Variants in MSI2 observed in about 807,000 individuals in gnomAD.
The protein encoded by MSI2 is RNA-binding protein Musashi homolog 2.
In MSI2, 17 loss-of-function variants were observed where a neutral mutation model predicts 45.6. The ratio of observed to expected loss-of-function variants is 0.37; its 90% CI spans 0.26 to 0.56. MSI2 has a LOEUF of 0.56. Among genes scored for constraint, MSI2 ranks in the 20% least tolerant of loss-of-function variants. The pLI, the probability that MSI2 is intolerant of heterozygous loss-of-function variation, is 0.77. For synonymous variants in MSI2, 156 were observed against 158.2 expected (o/e 0.99, Z 0.11); for missense variants, 293 against 444.2 (o/e 0.66, Z 3.06).
intron 6 of MSI2, among the ~76,000 whole-genome samples, chr17:57,525,402 A>G (rs2086676851): frequency 6.6e-6 from 1 of 152,080 alleles, no homozygotes; most frequent in Non-Finnish European, 1.5e-5. Flanking sequence ...TTACCATCTC[A>G]GCCATCTGAG....
chr17:57,688,439 A>G (rs996810519), downstream of MSI2, among the ~76,000 whole-genome samples: 16 of 152,118 alleles, frequency 1.1e-4, no homozygotes, highest in African/African-American at 3.9e-4. Flanking sequence ...AGAGAGGTAT[A>G]TGCATTATAA....
At chr17:57,337,041 C>T (rs560098360) in intron 5 of MSI2, among the ~76,000 whole-genome samples, 1 of 152,310 alleles carries the variant, frequency 6.6e-6, no homozygotes, top group African/African-American at 2.4e-5. Flanking sequence ...ATGTGGGGCC[C>T]TCCAGAGGCT....
intron 5 of MSI2, among the ~76,000 whole-genome samples, chr17:57,360,786 G>C (rs191219478): frequency 6.6e-6 from 1 of 152,310 alleles, no homozygotes. Context: ...CAGAACCAGA[G>C]GCCAAGACAA....
At chr17:57,701,344 G>A in the MSI2 span, among the ~76,000 whole-genome samples, 6 of 152,296 alleles carry the variant, frequency 3.9e-5, no homozygotes, top group East Asian at 1.2e-3. Context: ...CGAAGGTGGG[G>A]CCTTTGGGAG....
At chr17:57,591,078 C>G (rs1005191129) in intron 7 of MSI2, among the ~76,000 whole-genome samples, 4 of 152,216 alleles carry the variant, frequency 2.6e-5, no homozygotes, top group African/African-American at 9.7e-5. Flanking sequence ...GCCTGCATCT[C>G]TTACAGGTCC....
chr17:57,455,533 G>A (rs946780415), intron 6 of MSI2, among the ~76,000 whole-genome samples: 3 of 152,130 alleles, frequency 2.0e-5, no homozygotes, highest in African/African-American at 2.4e-5. Flanking sequence ...GATTACAGCC[G>A]TTAAAAAGAG....
chr17:57,422,304 AC>A (rs1460716331), intron 6 of MSI2, among the ~76,000 whole-genome samples: 1 of 152,182 alleles, frequency 6.6e-6, no homozygotes, highest in Non-Finnish European at 1.5e-5. Context: ...TACTAAAAAT[AC>A]AAAAATTATC....
rs1386133380 is a variant in MSI2 at position 57,679,575 on chromosome 17, TG to T, written c.*61del. Reference sequence around the variant, plus strand: ...GCATACCTGGATGTCCAGGCAAGACTGGGCGAAGTTTCTGAGTGGCCCTTTG... The same window carrying T: ...GCATACCTGGATGTCCAGGCAAGACTGGCGAAGTTTCTGAGTGGCCCTTTG... On this transcript the variant is annotated 3_prime_UTR_variant, in exon 14 of 14. Coordinates refer to ENST00000284073, the MANE Select transcript of MSI2 (RefSeq NM_138962.4). 9.4e-7 allele frequency: 1 copy of T among 1,060,078 alleles called. No individual in the cohort carries two copies. Among genetic ancestry groups the T allele is most frequent in the African/African-American group, 1.6e-5 (1 of 60,758 alleles). 65.7% of individuals were successfully genotyped at this position (1,060,078 alleles called of 1,614,324 possible).
Position 57,679,580 on chromosome 17 carries a change from G to T in MSI2, c.*63G>T. ...CCTGGATGTCCAGGCAAGACTGGGC[G>T]AAGTTTCTGAGTGGCCCTTTGTTTA... On this transcript the variant is annotated 3_prime_UTR_variant, in exon 14 of 14. Transcript: ENST00000284073. The T allele has an allele frequency of 9.4e-7, 1 of 1,060,708 alleles. No homozygotes were observed. Among genetic ancestry groups the T allele is most frequent in the Non-Finnish European group, 1.1e-6 (1 of 876,160 alleles). The allele number at this position is 1,060,708 out of a possible 1,614,324, so 65.7% of individuals were successfully genotyped here.
At chr17:57,673,579 T>TA (rs1241724247) in intron 11 of MSI2, among the ~76,000 whole-genome samples, 1 of 152,100 alleles carries the variant, frequency 6.6e-6, no homozygotes, top group East Asian at 1.9e-4. Flanking sequence ...CTTTAACAAT[T>TA]AAAAAAATAT....
intron 8 of MSI2, among the ~76,000 whole-genome samples, chr17:57,599,171 G>A (rs948825759): frequency 2.0e-5 from 3 of 152,198 alleles, no homozygotes; most frequent in Admixed American, 2.0e-4. Flanking sequence ...GATGTAGACC[G>A]GAAGGACATT....
chr17:57,378,014 G>T (rs1273842513), intron 5 of MSI2, among the ~76,000 whole-genome samples: 1 of 151,210 alleles, frequency 6.6e-6, no homozygotes, highest in Non-Finnish European at 1.5e-5. Context: ...GGCAGAGCTT[G>T]CAGTGAACCG....
chr17:57,473,241 T>A (rs779829025), intron 6 of MSI2, among the ~76,000 whole-genome samples: 15 of 152,220 alleles, frequency 9.9e-5, no homozygotes, highest in Non-Finnish European at 2.1e-4. Flanking sequence ...TCACCTTCCC[T>A]CCCAGAAGCT....
chr17:57,394,396 A>C (rs1158893122), intron 5 of MSI2, among the ~76,000 whole-genome samples: 1 of 152,176 alleles, frequency 6.6e-6, no homozygotes, highest in Non-Finnish European at 1.5e-5. Flanking sequence ...CATGAGGACT[A>C]AGTCAGGCAA....
intron 6 of MSI2, among the ~76,000 whole-genome samples, chr17:57,462,688 C>T (rs896738231): frequency 7.9e-5 from 12 of 152,302 alleles, no homozygotes; most frequent in African/African-American, 2.6e-4. Context: ...ATTTCCTCCT[C>T]AAAGGCAATC....
chr17:57,282,817 TG>T (rs1229173993), intron 5 of MSI2, among the ~76,000 whole-genome samples: 7 of 27,736 alleles, frequency 2.5e-4, no homozygotes, highest in Admixed American at 1.1e-3. Flanking sequence ...GGGCTGGGGT[TG>T]GGGGGTGGGG....
chr17:57,334,725 C>T (rs916332308), intron 5 of MSI2, among the ~76,000 whole-genome samples: 1 of 151,636 alleles, frequency 6.6e-6, no homozygotes, highest in Non-Finnish European at 1.5e-5. Context: ...ACCCACGAGG[C>T]GGAGGTTGCA....
At chr17:57,553,319 A>G (rs2087350792) in intron 7 of MSI2, among the ~76,000 whole-genome samples, 1 of 152,230 alleles carries the variant, frequency 6.6e-6, no homozygotes, top group African/African-American at 2.4e-5. Flanking sequence ...GAATGAATGT[A>G]TCATCTTTCA....
chr17:57,261,096 G>A (rs1048460065), intron 4 of MSI2, among the ~76,000 whole-genome samples: 2 of 152,120 alleles, frequency 1.3e-5, no homozygotes, highest in African/African-American at 4.8e-5. Context: ...AATGAAAACC[G>A]ACAACGGGAA....
Sources: gnomAD v4.1 joint callset for allele counts (sites outside exome capture counted in the v4.1 genomes callset) on GRCh38, gnomAD v4.1.1 for gene constraint, MANE v1.5 for transcripts, NCBI Gene and HGNC (gene_info 2026-07-23, HGNC 2026-07-21) for gene names.